The following NME9 variants were observed in gnomAD, a reference collection of about 807,000 sequenced individuals.
NME9 encodes the protein NME/NM23 family member 9, also known as thioredoxin domain-containing protein 6.
NME9 carries 48 observed loss-of-function variants against 44.4 expected under a neutral mutation model. The ratio of observed to expected loss-of-function variants is 1.08; its 90% CI spans 0.86 to 1.37. The LOEUF is 1.37. Ranked by LOEUF, NME9 falls within the 40% of genes most tolerant of loss-of-function variation. NME9 has a pLI of 0.00. For missense variants in NME9, 325 were observed against 405.2 expected (o/e 0.80, Z 1.70); for synonymous variants, 139 against 147.1 (o/e 0.94, Z 0.40).
intron 2 of NME9, chr3:138,324,261 C>G: frequency 9.1e-6 from 3 of 330,692 alleles, no homozygotes; most frequent in South Asian, 7.6e-5. Context: ...ATCTGCTCCT[C>G]GTTGAGCCTT....
intron 8 of NME9, chr3:138,263,765 C>G: frequency 6.2e-7 from 1 of 1,613,978 alleles, no homozygotes; most frequent in African/African-American, 1.3e-5. Context: ...ATATGATGGA[C>G]CGAATTGTGA....
At chr3:138,277,622 T>G (rs767886760) in intron 8 of NME9, among the ~76,000 whole-genome samples, 9 of 152,342 alleles carry the variant, frequency 5.9e-5, no homozygotes, top group Non-Finnish European at 1.0e-4. Flanking sequence ...CTATGCATCT[T>G]TTAGAATAGC....
At chr3:138,262,873 T>G (rs559171118) in intron 8 of NME9, among the ~76,000 whole-genome samples, 7 of 152,310 alleles carry the variant, frequency 4.6e-5, no homozygotes, top group Non-Finnish European at 1.5e-5. Context: ...GCATATAGAC[T>G]CTGGAGTCAC....
intron 8 of NME9, among the ~76,000 whole-genome samples, chr3:138,271,798 C>CTTTTTTTTTTTTTTTTTTTTTTTTTTT (rs776320900): frequency 2.2e-5 from 3 of 136,134 alleles, no homozygotes; most frequent in Admixed American, 7.3e-5. Context: ...TTTTTTCTTT[C>CTTTTTTTTTTTTTTTTTTTTTTTTTTT]TTTTTTTTTT....
chr3:138,301,697 C>CGTG lies in NME9; in HGVS notation c.935_936insCAC (p.Glu312delinsAspThr). The CGTG allele has an allele frequency of 6.5e-7, 1 of 1,536,026 alleles. No homozygotes were observed. Among genetic ancestry groups the CGTG allele is most frequent in the Non-Finnish European group, 8.7e-7 (1 of 1,146,828 alleles). On this transcript the variant is annotated protein_altering_variant, in exon 11 of 11. Transcript: ENST00000333911. ...CAGTGGGCCCCGCTGTTGCTTCAGC[C>CGTG]TCACCGCCTGTGGGATGACAGATGT...
intron 8 of NME9, chr3:138,270,227 T>G (rs1448824801): frequency 9.7e-7 from 1 of 1,030,614 alleles, no homozygotes; most frequent in Non-Finnish European, 1.4e-6. Context: ...TGTCTGGAAT[T>G]TTCTTTTTCA....
rs969375970 is a variant in NME9, at chr3:138,280,311, T to C, written c.746-17725A>G. On this transcript the variant is annotated intron_variant, in intron 8 of 8. Transcript: ENST00000317876. Reference sequence around the variant, plus strand: ...TTGGTTTCATTGATTTTCCCACTTATTATTATTATTATTATATATATTTTA... The same window carrying C: ...TTGGTTTCATTGATTTTCCCACTTACTATTATTATTATTATATATATTTTA... Among the ~76,000 whole-genome samples, 7 of 151,022 alleles carry C rather than the reference T, an allele frequency of 4.6e-5. No individual in the cohort carries two copies. In the South Asian group the frequency reaches 8.4e-4, roughly 18 times the overall value.
rs535607994 is a variant in NME9, at chr3:138,276,220, A to G, written c.746-13634T>C. 4.2e-4 allele frequency among the ~76,000 whole-genome samples: 64 copies of G among 152,352 alleles called. 1 individual carries two copies. Among genetic ancestry groups the G allele is most frequent in the Admixed American group, 1.3e-3 (20 of 15,304 alleles). ...AGGCTAAACAGTCGGCTCACTAGCT[A>G]GAAGTTTAATGCTTCTCAAAAGCAC... On this transcript the variant is annotated intron_variant, in intron 8 of 8. Transcript: ENST00000317876.
At chr3:138,284,349 G>A in intron 8 of NME9, 1 of 1,041,022 alleles carries the variant, frequency 9.6e-7, no homozygotes, top group Non-Finnish European at 1.5e-6. Flanking sequence ...ACCTTCAAGT[G>A]AAAAATTGCC....
At chr3:138,267,662 A>G (rs2048396880) in intron 8 of NME9, among the ~76,000 whole-genome samples, 1 of 152,168 alleles carries the variant, frequency 6.6e-6, no homozygotes, top group African/African-American at 2.4e-5. Flanking sequence ...TTGATGTTTA[A>G]TGTTAATGGT....
chr3:138,275,059 G>A (rs945190443), intron 8 of NME9, among the ~76,000 whole-genome samples: 2 of 152,128 alleles, frequency 1.3e-5, no homozygotes, highest in African/African-American at 2.4e-5. Context: ...ATTAAAGTAC[G>A]AAGCTGTGCA....
At position 138,315,458 on chromosome 3, in the gene NME9, G is replaced by A. The variant is rs80075933; in HGVS notation, c.384+69C>T. On this transcript the variant is annotated intron_variant, in intron 5 of 10. Transcript: ENST00000333911. ...TCCAGGAAAGTCAGGTGAAGGAGAT[G>A]GGGACTGCTGATCTCGCCCTACTAG... 5.3e-5 allele frequency: 55 copies of A among 1,035,974 alleles called. 2 individuals are homozygous for A. The South Asian group carries it at 6.4e-4, about 12-fold the overall frequency. 64.2% of individuals were successfully genotyped at this position (1,035,974 alleles called of 1,614,324 possible). A position where few individuals can be genotyped will look rare whatever the true frequency, so the allele number is the denominator to read the frequency against.
At chr3:138,282,299 G>A (rs547036091) in intron 8 of NME9, among the ~76,000 whole-genome samples, 50 of 152,152 alleles carry the variant, frequency 3.3e-4, no homozygotes, top group Admixed American at 3.2e-3. Flanking sequence ...TGTGAGTCTG[G>A]TGTTGCCACA....
intron 8 of NME9, among the ~76,000 whole-genome samples, chr3:138,288,431 C>G (rs955543316): frequency 6.6e-6 from 1 of 152,200 alleles, no homozygotes. Flanking sequence ...AAATTGCAAA[C>G]TGTACCCATA....
intron 8 of NME9, among the ~76,000 whole-genome samples, chr3:138,267,739 C>CT (rs535247498): frequency 2.0e-3 from 299 of 151,694 alleles, no homozygotes; most frequent in African/African-American, 6.8e-3. Flanking sequence ...AGTATGTATT[C>CT]TTTTTTTTAA....
Position 138,301,528 on chromosome 3 carries a change from A to G in NME9, c.*112T>C, listed in dbSNP as rs1401223820. 1 of 1,480,428 alleles carries G rather than the reference A, an allele frequency of 6.8e-7. No individual in the cohort carries two copies. The highest frequency in any genetic ancestry group is 2.3e-5 in the Admixed American group (1 of 43,512). The allele number at this position is 1,480,428 out of a possible 1,614,324, so 91.7% of individuals were successfully genotyped here. On this transcript the variant is annotated 3_prime_UTR_variant, in exon 11 of 11. Coordinates refer to ENST00000333911, the MANE Select transcript of NME9 (RefSeq NM_001349018.2). ...CCATATTATTTTCATTGTCTACAAA[A>G]GACAGCTAAACCAAAAAGTATTGGT... is the stretch of plus-strand genomic sequence containing the variant.
At chr3:138,284,741 C>T (rs1027317802) in intron 8 of NME9, among the ~76,000 whole-genome samples, 5 of 152,150 alleles carry the variant, frequency 3.3e-5, no homozygotes, top group South Asian at 2.1e-4. Context: ...ACCTGCCAGT[C>T]GACTCCCTGC....
At chr3:138,305,882 T>C in intron 8 of NME9, 122 bp downstream of exon 8, 1 of 725,144 alleles carries the variant, frequency 1.4e-6, no homozygotes, top group Non-Finnish European at 2.5e-6. Flanking sequence ...CATGACCCAC[T>C]TGCTGTTCCT....
intron 8 of NME9, among the ~76,000 whole-genome samples, chr3:138,263,319 G>A (rs568408438): frequency 1.0e-3 from 156 of 152,330 alleles, no homozygotes; most frequent in African/African-American, 3.2e-3. Flanking sequence ...GGGTGGCTCT[G>A]TCCTAAGCCC....
Sources: gnomAD v4.1 joint callset for allele counts (sites outside exome capture counted in the v4.1 genomes callset) on GRCh38, gnomAD v4.1.1 for gene constraint, MANE v1.5 for transcripts, NCBI Gene and HGNC (gene_info 2026-07-23, HGNC 2026-07-21) for gene names.